The following NUF2 variants were observed in gnomAD, a reference collection of about 807,000 sequenced individuals.
NUF2 encodes the protein kinetochore protein Nuf2.
A neutral mutation model predicts 61.8 loss-of-function variants in NUF2; 34 were observed. The observed-to-expected ratio is 0.55, with a 90% confidence interval of 0.42 to 0.73. NUF2 has a LOEUF of 0.73. Ranked by LOEUF, NUF2 falls within the 30% of genes least tolerant of loss-of-function variation. The probability of loss-of-function intolerance (pLI) is 0.00; values close to 1 mark genes in which losing one functional copy is unlikely to be tolerated. For synonymous variants in NUF2, 172 were observed against 181.6 expected (o/e 0.95, Z 0.42); for missense variants, 445 against 539.1 (o/e 0.83, Z 1.73).
intron 13 of NUF2, among the ~76,000 whole-genome samples, chr1:163,349,901 C>A (rs1373747132): frequency 6.6e-6 from 1 of 151,294 alleles, no homozygotes; most frequent in Non-Finnish European, 1.5e-5. Flanking sequence ...CTGCTCTTTT[C>A]TGTTTTTTGT....
Position 163,355,318 on chromosome 1 carries a change from T to C in NUF2, c.1261-17T>C, listed in dbSNP as rs767838524. 2 of 1,579,028 alleles carry C rather than the reference T, an allele frequency of 1.3e-6. No homozygotes were observed. The highest frequency in any genetic ancestry group is 1.7e-6 in the Non-Finnish European group (2 of 1,160,244). On this transcript the variant is annotated splice_polypyrimidine_tract_variant and intron_variant, in intron 13 of 13. Coordinates refer to ENST00000271452, the MANE Select transcript of NUF2 (RefSeq NM_145697.3). ...GTTGCATGGAATAATTATTATTCTG[T>C]TTCATTTTCTACTTAGGAAATATTT...
rs1220850588 is a variant in NUF2, at chr1:163,322,164, T to C, written c.-69T>C. 6.6e-6 allele frequency: 1 copy of C among 152,268 alleles called. No homozygotes were observed. Among genetic ancestry groups the C allele is most frequent in the Non-Finnish European group, 1.5e-5 (1 of 68,126 alleles). 9.4% of individuals were successfully genotyped at this position (152,268 alleles called of 1,614,324 possible). A position where few individuals can be genotyped will look rare whatever the true frequency, so the allele number is the denominator to read the frequency against. On this transcript the variant is annotated 5_prime_UTR_variant, in exon 1 of 14. Coordinates refer to ENST00000271452, the MANE Select transcript of NUF2 (RefSeq NM_145697.3). ...CGGGACGCTGGGCCTGGCGGTGTTT[T>C]CGTCGTGCTCAGCGGTGGGAGGAGG...
intron 13 of NUF2, among the ~76,000 whole-genome samples, chr1:163,354,414 T>C (rs1204680514): frequency 6.6e-6 from 1 of 152,174 alleles, no homozygotes; most frequent in African/African-American, 2.4e-5. Flanking sequence ...AATAGGGTTC[T>C]TTTTCGGAAT....
intron 9 of NUF2, 152 bp from the exon 10 acceptor site, chr1:163,343,581 G>A (rs750665559): frequency 1.7e-5 from 6 of 359,024 alleles, no homozygotes; most frequent in African/African-American, 2.1e-5. Flanking sequence ...ATAGACAAAT[G>A]TGAGCAATTA....
At chr1:163,344,821 G>A (rs978988124) in intron 10 of NUF2, among the ~76,000 whole-genome samples, 1 of 151,792 alleles carries the variant, frequency 6.6e-6, no homozygotes, top group African/African-American at 2.4e-5. Flanking sequence ...ATAGATTTGA[G>A]TATTAATGAG....
chr1:163,340,234 A>G (rs145184243), intron 8 of NUF2, 130 bp from the exon 9 acceptor site: 16 of 685,938 alleles, frequency 2.3e-5, no homozygotes, highest in African/African-American at 2.0e-4. Context: ...CATCATGAAC[A>G]GAGAAAGTTT....
intron 13 of NUF2, among the ~76,000 whole-genome samples, chr1:163,353,450 TG>T (rs1386222680): frequency 6.6e-6 from 1 of 152,226 alleles, no homozygotes; most frequent in Non-Finnish European, 1.5e-5. Context: ...TAGGCACATG[TG>T]GCTATTGAGT....
intron 13 of NUF2, among the ~76,000 whole-genome samples, chr1:163,351,045 C>G (rs190506777): frequency 4.4e-4 from 67 of 152,206 alleles, no homozygotes; most frequent in Non-Finnish European, 8.1e-4. Flanking sequence ...TTTCTTTCAG[C>G]CTTCTCATAT....
intron 9 of NUF2, 26 bp downstream of exon 9, chr1:163,340,452 A>G (rs201606739): frequency 2.7e-4 from 425 of 1,561,052 alleles, no homozygotes; most frequent in Non-Finnish European, 3.5e-4. Context: ...TTTCACTAGC[A>G]TTTAAAGTTT....
At chr1:163,325,977 A>G in intron 1 of NUF2, 55 bp from the exon 2 acceptor site, 1 of 1,379,428 alleles carries the variant, frequency 7.2e-7, no homozygotes, top group South Asian at 1.3e-5. Flanking sequence ...ATTAGTTTCC[A>G]GATAATGAGA....
chr1:163,352,892 G>A (rs1442743414), intron 13 of NUF2, among the ~76,000 whole-genome samples: 3 of 151,890 alleles, frequency 2.0e-5, no homozygotes. Flanking sequence ...TTCTATCTAA[G>A]CTAATCATTT....
chr1:163,347,719 C>T, intron 11 of NUF2, 44 bp from the exon 12 acceptor site: 1 of 1,182,356 alleles, frequency 8.5e-7, no homozygotes, highest in Non-Finnish European at 1.1e-6. Flanking sequence ...ATTTCTAAAT[C>T]CTAATTGGTT....
chr1:163,326,521 T>C (rs1650424552), intron 2 of NUF2, among the ~76,000 whole-genome samples: 1 of 152,104 alleles, frequency 6.6e-6, no homozygotes, highest in Non-Finnish European at 1.5e-5. Flanking sequence ...TTATTCCAAG[T>C]GGTTTTCAAC....
At chr1:163,327,097 T>TAC (rs1557946231) in intron 2 of NUF2, among the ~76,000 whole-genome samples, 1 of 19,774 alleles carries the variant, frequency 5.1e-5, no homozygotes, top group African/African-American at 9.1e-5. Context: ...GTTTCCTGTG[T>TAC]TCACACACAC....
At chr1:163,327,588 TG>T in intron 3 of NUF2, 26 bp downstream of exon 3, 1 of 1,460,666 alleles carries the variant, frequency 6.8e-7, no homozygotes, top group South Asian at 1.1e-5. Context: ...GGCAAAATTA[TG>T]GGGTTTTTTT....
chr1:163,328,120 G>A (rs1650487163), intron 3 of NUF2, 108 bp from the exon 4 acceptor site: 4 of 662,392 alleles, frequency 6.0e-6, no homozygotes, highest in African/African-American at 1.8e-5. Context: ...ATGTATTAAG[G>A]TTTTTAATTT....
chr1:163,354,114 G>A (rs1651413956), intron 13 of NUF2, among the ~76,000 whole-genome samples: 1 of 151,866 alleles, frequency 6.6e-6, no homozygotes, highest in Admixed American at 6.6e-5. Context: ...TTTTTATAAT[G>A]GCGTTCACAC....
chr1:163,336,827 T>C lies in NUF2; in HGVS notation c.414T>C (p.Tyr138=). ...IHFREACRET[Y]MEFLWQYKSS... ...TCAGAGAAGCATGCCGTGAAACGTA[T>C]ATGGAATTTCTTTGGCAATATGTAA... Residue 138 remains tyrosine (Y), a synonymous_variant, in exon 6 of 14, where the codon TAT becomes TAC. Transcript: ENST00000271452. The C allele has an allele frequency of 6.2e-7, 1 of 1,610,996 alleles. No individual in the cohort carries two copies. Among genetic ancestry groups the C allele is most frequent in the Non-Finnish European group, 8.5e-7 (1 of 1,177,420 alleles).
chr1:163,342,615 A>G (rs962963618), intron 9 of NUF2, among the ~76,000 whole-genome samples: 1 of 152,186 alleles, frequency 6.6e-6, no homozygotes, highest in African/African-American at 2.4e-5. Flanking sequence ...ACACAGTAAT[A>G]CATTCCTGTT....
Sources: gnomAD v4.1 joint callset for allele counts (sites outside exome capture counted in the v4.1 genomes callset) on GRCh38, gnomAD v4.1.1 for gene constraint, MANE v1.5 for transcripts, NCBI Gene and HGNC (gene_info 2026-07-23, HGNC 2026-07-21) for gene names.